The following UVRAG variants were observed in gnomAD, a reference collection of about 807,000 sequenced individuals.
UVRAG encodes the protein UV radiation resistance associated.
In UVRAG, 19 loss-of-function variants were observed where a neutral mutation model predicts 78.0. That is an observed-to-expected ratio of 0.24 (90% CI 0.17 to 0.36). UVRAG has a LOEUF of 0.36. UVRAG is among the 10% of genes least tolerant of loss of function. UVRAG has a pLI of 1.00. For synonymous variants in UVRAG, 323 were observed against 324.6 expected (o/e 1.00, Z 0.05); for missense variants, 740 against 853.8 (o/e 0.87, Z 1.66).
intron 13 of UVRAG, among the ~76,000 whole-genome samples, chr11:76,101,592 C>A (rs542525446): frequency 3.2e-4 from 49 of 152,274 alleles, no homozygotes; most frequent in Admixed American, 9.2e-4. Context: ...AATTTGATCT[C>A]ATTTGTTAAT....
chr11:75,852,941 C>G (rs1946188452), intron 2 of UVRAG, among the ~76,000 whole-genome samples: 1 of 152,172 alleles, frequency 6.6e-6, no homozygotes, highest in Non-Finnish European at 1.5e-5. Flanking sequence ...GATAGGATCT[C>G]ACCCTGTCAG....
intron 5 of UVRAG, among the ~76,000 whole-genome samples, chr11:75,900,599 CGTT>C (rs1565370786): frequency 6.6e-6 from 1 of 152,172 alleles, no homozygotes; most frequent in African/African-American, 2.4e-5. Flanking sequence ...ACTAGGATCA[CGTT>C]GTTCCCATCT....
Position 75,949,784 on chromosome 11 carries a change from C to T in UVRAG, c.594-11660C>T, listed in dbSNP as rs565785568. 8.8e-5 allele frequency among the ~76,000 whole-genome samples: 13 copies of T among 147,444 alleles called. No individual in the cohort carries two copies. The East Asian group carries it at 1.4e-3, about 15-fold the overall frequency. Reference sequence around the variant, plus strand: ...GTATACATATATACACATATATATACACACACACACATATACACACAGTTT... The same window carrying T: ...GTATACATATATACACATATATATATACACACACACATATACACACAGTTT... On this transcript the variant is annotated intron_variant, in intron 6 of 14. Transcript: ENST00000356136.
intron 12 of UVRAG, 77 bp downstream of exon 12, chr11:76,017,057 A>G: frequency 9.1e-7 from 1 of 1,101,716 alleles, no homozygotes; most frequent in Non-Finnish European, 1.2e-6. Flanking sequence ...AATACATAAA[A>G]TGTAATCTAA....
chr11:76,006,934 T>C (rs1017862622), intron 9 of UVRAG, among the ~76,000 whole-genome samples: 33 of 152,328 alleles, frequency 2.2e-4, no homozygotes, highest in African/African-American at 7.2e-4. Flanking sequence ...TAAATAGATA[T>C]AACAGTATCA....
chr11:75,862,513 C>G (rs1946444886), intron 3 of UVRAG, among the ~76,000 whole-genome samples: 1 of 152,194 alleles, frequency 6.6e-6, no homozygotes, highest in Non-Finnish European at 1.5e-5. Flanking sequence ...CTCATCTCCT[C>G]CTCTTTTCCG....
At chr11:75,949,062 C>G (rs1948635813) in intron 6 of UVRAG, among the ~76,000 whole-genome samples, 1 of 152,060 alleles carries the variant, frequency 6.6e-6, no homozygotes, top group Admixed American at 6.6e-5. Context: ...GCTAAGAAAC[C>G]AGTTAGGGGC....
chr11:75,978,295 T>G (rs1011308131), intron 7 of UVRAG, among the ~76,000 whole-genome samples: 17 of 152,334 alleles, frequency 1.1e-4, no homozygotes, highest in Admixed American at 9.8e-4. Context: ...CTGGCTGCCC[T>G]TAACATTTTT....
chr11:76,063,533 C>G (rs1312294798), intron 12 of UVRAG, among the ~76,000 whole-genome samples: 1 of 152,158 alleles, frequency 6.6e-6, no homozygotes, highest in East Asian at 1.9e-4. Context: ...GAAAGAGCTA[C>G]AAGGTATGGT....
In UVRAG at chr11:75,876,835, T is replaced by A. The variant is rs531302187; in HGVS notation, c.271-3044T>A. Among the ~76,000 whole-genome samples, 147 of 150,050 alleles carry A rather than the reference T, an allele frequency of 9.8e-4. 1 individual carries two copies. The highest frequency in any genetic ancestry group is 3.5e-3 in the Middle Eastern group (1 of 284). On this transcript the variant is annotated intron_variant, in intron 3 of 14. Coordinates refer to ENST00000356136, the MANE Select transcript of UVRAG (RefSeq NM_003369.4). ...TTCAGCAGTGAAAGCCCTTATGTTT[T>A]TTTTTTATTTTTTATTTTTTATTTT...
intron 8 of UVRAG, among the ~76,000 whole-genome samples, chr11:75,992,730 T>C (rs1949636270): frequency 6.6e-6 from 1 of 152,228 alleles, no homozygotes; most frequent in African/African-American, 2.4e-5. Context: ...TCTAAACATA[T>C]ACTATTATAT....
At chr11:75,928,939 CAAAAAAA>C (rs368913080) in intron 6 of UVRAG, among the ~76,000 whole-genome samples, 1 of 67,494 alleles carries the variant, frequency 1.5e-5, no homozygotes, top group African/African-American at 7.8e-5. Context: ...GAGACTGTCT[CAAAAAAA>C]AAAAAAAAAA....
intron 5 of UVRAG, among the ~76,000 whole-genome samples, chr11:75,892,163 T>C (rs1947225885): frequency 1.3e-5 from 2 of 152,112 alleles, no homozygotes; most frequent in South Asian, 4.1e-4. Context: ...AGAAGCAAAG[T>C]TTGTATGCGT....
At chr11:76,007,479 A>G (rs888212659) in intron 9 of UVRAG, 55 bp from the exon 10 acceptor site, 1 of 1,355,910 alleles carries the variant, frequency 7.4e-7, no homozygotes, top group African/African-American at 1.5e-5. Flanking sequence ...AATAAATGTT[A>G]CAAAGCATGC....
At chr11:76,120,829 G>A (rs1002353772) in intron 14 of UVRAG, among the ~76,000 whole-genome samples, 3 of 152,186 alleles carry the variant, frequency 2.0e-5, no homozygotes, top group South Asian at 2.1e-4. Context: ...GAGAATTTCC[G>A]AGAGCAGCCG....
chr11:75,839,213 T>C (rs1329444863), intron 1 of UVRAG, among the ~76,000 whole-genome samples: 1 of 152,162 alleles, frequency 6.6e-6, no homozygotes, highest in East Asian at 1.9e-4. Context: ...AGGAATTCTT[T>C]ATGTTTTAGT....
Position 75,935,621 on chromosome 11 carries a change from G to A in UVRAG, c.593+23582G>A, listed in dbSNP as rs534944006. ...GGATACTGCTACCTTAATACTCCCT[G>A]CCTTTATTTCTTGAGTATTTTATGT... On this transcript the variant is annotated intron_variant, in intron 6 of 14. Transcript: ENST00000356136. 1.9e-4 allele frequency among the ~76,000 whole-genome samples: 29 copies of A among 152,176 alleles called. No individual in the cohort carries two copies. The South Asian group carries it at 5.8e-3, about 30-fold the overall frequency.
rs148536682 is a variant in UVRAG, at chr11:76,089,911, C to T, written c.1305+24123C>T. On this transcript the variant is annotated intron_variant, in intron 13 of 14. Transcript: ENST00000356136. ...GCCTCCCAACCAACTGAACATACCC[C>T]GTTTTGGCCAGAAGGACCCTGGAGA... Among the ~76,000 whole-genome samples, 782 of 152,214 alleles carry T rather than the reference C, an allele frequency of 5.1e-3. 10 individuals carry two copies. The highest frequency in any genetic ancestry group is 0.018 in the African/African-American group (749 of 41,514).
chr11:76,044,213 T>C lies in UVRAG; in HGVS notation c.1227-21497T>C, dbSNP rs541733391. ...AGGACCTCTGTAGGAGGTTGAGAAA[T>C]GTCTTTTTTCTAAGTGGCTTTTAAA... On this transcript the variant is annotated intron_variant, in intron 12 of 14. Coordinates refer to ENST00000356136, the MANE Select transcript of UVRAG (RefSeq NM_003369.4). Among the ~76,000 whole-genome samples the C allele has an allele frequency of 4.6e-5, 7 of 152,272 alleles. No individual in the cohort carries two copies. In the South Asian group the frequency reaches 1.4e-3, roughly 32 times the overall value.
Sources: allele counts gnomAD v4.1 joint callset (sites outside exome capture counted in the v4.1 genomes callset), GRCh38; gene constraint gnomAD v4.1.1; transcripts MANE v1.5; gene names NCBI Gene and HGNC (gene_info 2026-07-23, HGNC 2026-07-21).